SMIM31: variants seen among roughly 807,000 people sequenced by gnomAD.
SMIM31 encodes small integral membrane protein 31, also known as human epithelial cell program regulator.
At chr4:164,772,691 G>A (rs1002611724) in intron 2 of SMIM31, among the ~76,000 whole-genome samples, 13 of 151,144 alleles carry the variant, frequency 8.6e-5, no homozygotes, top group African/African-American at 2.4e-4. Flanking sequence ...CCATTCTCCT[G>A]CCTCAGCCTC....
At chr4:164,771,099 C>T (rs186115237) in intron 2 of SMIM31, among the ~76,000 whole-genome samples, 411 of 152,302 alleles carry the variant, frequency 2.7e-3, no homozygotes, top group Non-Finnish European at 4.6e-3. Flanking sequence ...ATTTGTGCTT[C>T]CTAGCTTATC....
At chr4:164,774,609 G>A (rs1430964914) in intron 2 of SMIM31, among the ~76,000 whole-genome samples, 3 of 152,264 alleles carry the variant, frequency 2.0e-5, no homozygotes, top group East Asian at 3.9e-4. Context: ...ATTGTATGGA[G>A]CTATGATGCA....
chr4:164,759,353 A>G (rs952486307), intron 1 of SMIM31, among the ~76,000 whole-genome samples: 4 of 152,118 alleles, frequency 2.6e-5, no homozygotes, highest in African/African-American at 9.7e-5. Flanking sequence ...ATGGAAAAGG[A>G]GACTGCTAAT....
chr4:164,781,511 T>G lies in SMIM31; in HGVS notation c.112+10956T>G, dbSNP rs74946414. 3.8e-4 allele frequency among the ~76,000 whole-genome samples: 58 copies of G among 152,266 alleles called. No individual in the cohort carries two copies. In the East Asian group the frequency reaches 8.9e-3, roughly 23 times the overall value. ...TGCAACAATATGAATGAATCTCAAATGTGTTTTGCTAAGTTAGTGTTTCTC... is the reference window on the plus strand; with the variant it reads ...TGCAACAATATGAATGAATCTCAAAGGTGTTTTGCTAAGTTAGTGTTTCTC... On this transcript the variant is annotated intron_variant, in intron 2 of 2. Coordinates refer to ENST00000507311, the MANE Select transcript of SMIM31 (RefSeq NM_001352885.1).
At chr4:164,790,140 A>C (rs896328537) in intron 2 of SMIM31, among the ~76,000 whole-genome samples, 4 of 152,180 alleles carry the variant, frequency 2.6e-5, no homozygotes, top group African/African-American at 4.8e-5. Flanking sequence ...TCTTCTAGGC[A>C]CATTTTACTT....
Position 164,760,697 on chromosome 4 carries a change from G to A in SMIM31, c.-26+6286G>A, listed in dbSNP as rs1039563573. 5.2e-5 allele frequency among the ~76,000 whole-genome samples: 7 copies of A among 135,510 alleles called. No individual in the cohort carries two copies. In the East Asian group the frequency reaches 6.5e-4, roughly 13 times the overall value. The allele number at this position is 135,510 out of a possible 152,430, so 88.9% of individuals were successfully genotyped here. A position where few individuals can be genotyped will look rare whatever the true frequency, so the allele number is the denominator to read the frequency against. On this transcript the variant is annotated intron_variant, in intron 1 of 2. Coordinates refer to ENST00000507311, the MANE Select transcript of SMIM31 (RefSeq NM_001352885.1). ...GGAGGTTGCAGTGAGCTGAGATAAC[G>A]CCACTATGCTCCAGCCTGGACAGAA...
At chr4:164,796,192 C>G (rs998063910) in intron 2 of SMIM31, among the ~76,000 whole-genome samples, 1 of 152,192 alleles carries the variant, frequency 6.6e-6, no homozygotes, top group Non-Finnish European at 1.5e-5. Context: ...TTCAAACCAC[C>G]ATGTGTAAAA....
At chr4:164,775,533 G>A (rs1000585318) in intron 2 of SMIM31, among the ~76,000 whole-genome samples, 12 of 152,154 alleles carry the variant, frequency 7.9e-5, no homozygotes, top group African/African-American at 1.2e-4. Flanking sequence ...AAATTCTGCA[G>A]TAAAACTACC....
At chr4:164,793,513 G>C (rs1400916725) in intron 2 of SMIM31, among the ~76,000 whole-genome samples, 1 of 152,140 alleles carries the variant, frequency 6.6e-6, no homozygotes, top group Non-Finnish European at 1.5e-5. Context: ...AGTTCTGGAG[G>C]CTGGGAAGTC....
In SMIM31 at chr4:164,784,006, A is replaced by G. The variant is rs569914861; in HGVS notation, c.112+13451A>G. ...GTAACTTGGAAATGACAAGAATTCC[A>G]GGCATTATTTTCCCTCACCAGAGCA... is the stretch of plus-strand genomic sequence containing the variant. On this transcript the variant is annotated intron_variant, in intron 2 of 2. Transcript: ENST00000507311. Among the ~76,000 whole-genome samples, 12 of 152,332 alleles carry G rather than the reference A, an allele frequency of 7.9e-5. No homozygotes were observed. In the South Asian group the frequency reaches 2.5e-3, roughly 32 times the overall value.
At chr4:164,754,551 A>ATTTTTT (rs57916805) in intron 1 of SMIM31, 140 bp downstream of exon 1, 20 of 55,624 alleles carry the variant, frequency 3.6e-4, no homozygotes, top group African/African-American at 7.9e-4. Context: ...TCCTGGAGGT[A>ATTTTTT]TTTTTTTTTT....
rs556823257 is a variant in SMIM31, at chr4:164,782,351, A to C, written c.112+11796A>C. On this transcript the variant is annotated intron_variant, in intron 2 of 2. Coordinates refer to ENST00000507311, the MANE Select transcript of SMIM31 (RefSeq NM_001352885.1). ...TAAAAATGAATTTTTACAAACCTAT[A>C]AAACACTACTTTATCTCTTTCTTTT... Among the ~76,000 whole-genome samples, 3 of 151,506 alleles carry C rather than the reference A, an allele frequency of 2.0e-5. No homozygotes were observed. In the East Asian group the frequency reaches 5.8e-4, roughly 29 times the overall value.
intron 2 of SMIM31, among the ~76,000 whole-genome samples, chr4:164,800,724 T>C (rs1024101567): frequency 9.2e-5 from 14 of 152,172 alleles, no homozygotes; most frequent in Non-Finnish European, 1.8e-4. Context: ...CAGCTTTCTC[T>C]GTCTTTATAT....
intron 2 of SMIM31, among the ~76,000 whole-genome samples, chr4:164,772,790 G>T (rs2110935316): frequency 6.6e-6 from 1 of 151,384 alleles, no homozygotes; most frequent in African/African-American, 2.4e-5. Flanking sequence ...GTGTTAGCCG[G>T]GATGGTCTCG....
intron 1 of SMIM31, among the ~76,000 whole-genome samples, chr4:164,759,537 G>A (rs1035538547): frequency 6.6e-6 from 1 of 152,106 alleles, no homozygotes; most frequent in Non-Finnish European, 1.5e-5. Context: ...TGACTCGAAT[G>A]GGTAAGCTTT....
At chr4:164,788,506 T>TTTTTTTTTTTTTTTTTTG (rs1733058489) in intron 2 of SMIM31, among the ~76,000 whole-genome samples, 1 of 131,300 alleles carries the variant, frequency 7.6e-6, no homozygotes, top group Admixed American at 7.6e-5. Flanking sequence ...TTTTTTTTTT[T>TTTTTTTTTTTTTTTTTTG]GAGACGGAGT....
At chr4:164,760,687 CTGAGA>C (rs200584083) in intron 1 of SMIM31, among the ~76,000 whole-genome samples, 1,647 of 138,036 alleles carry the variant, frequency 0.012, 23 homozygotes, top group African/African-American at 0.041. Context: ...TTGCAGTGAG[CTGAGA>C]TAACGCCACT....
At chr4:164,794,890 TA>T (rs1421232623) in intron 2 of SMIM31, among the ~76,000 whole-genome samples, 1 of 151,372 alleles carries the variant, frequency 6.6e-6, no homozygotes, top group Non-Finnish European at 1.5e-5. Context: ...AGAGAAAGTA[TA>T]AAAATATTTT....
At chr4:164,773,633 C>G (rs1462256547) in intron 2 of SMIM31, among the ~76,000 whole-genome samples, 1 of 152,118 alleles carries the variant, frequency 6.6e-6, no homozygotes, top group Non-Finnish European at 1.5e-5. Context: ...TTGTCCCTCC[C>G]ACAACACGTG....
Sources: allele counts gnomAD v4.1 joint callset (sites outside exome capture counted in the v4.1 genomes callset), GRCh38; gene constraint gnomAD v4.1.1; transcripts MANE v1.5; gene names NCBI Gene and HGNC (gene_info 2026-07-23, HGNC 2026-07-21).